Variants in CELF2 observed in about 807,000 individuals in gnomAD.
CELF2 encodes CUG triplet repeat RNA-binding protein 2.
In CELF2, 8 loss-of-function variants were observed where a neutral mutation model predicts 62.6. The ratio of observed to expected loss-of-function variants is 0.13; its 90% CI spans 0.07 to 0.23. CELF2 has a LOEUF of 0.23. Ranked by LOEUF, CELF2 falls within the 10% of genes least tolerant of loss-of-function variation. The pLI is 1.00. For synonymous variants in CELF2, 258 were observed against 250.0 expected (o/e 1.03, Z -0.30); for missense variants, 333 against 671.0 (o/e 0.50, Z 5.56).
chr10:10,532,193 C>G, the CELF2 span, among the ~76,000 whole-genome samples: 1 of 152,222 alleles, frequency 6.6e-6, no homozygotes, highest in African/African-American at 2.4e-5. Flanking sequence ...GTCTACTCAA[C>G]AAAATTCATT....
chr10:10,677,653 G>A, the CELF2 span, among the ~76,000 whole-genome samples: 10 of 152,268 alleles, frequency 6.6e-5, no homozygotes, highest in Admixed American at 2.6e-4. Context: ...CCTTGAAACC[G>A]CATGCGGTAG....
At chr10:11,126,002 C>T (rs2058625702) in intron 1 of CELF2, among the ~76,000 whole-genome samples, 1 of 152,174 alleles carries the variant, frequency 6.6e-6, no homozygotes, top group Non-Finnish European at 1.5e-5. Flanking sequence ...ATTGTCTTCC[C>T]ATCACTCAGA....
At chr10:10,554,078 G>A in the CELF2 span, among the ~76,000 whole-genome samples, 1 of 152,164 alleles carries the variant, frequency 6.6e-6, no homozygotes, top group South Asian at 2.1e-4. Context: ...CCCAGCTGGA[G>A]AGACCATGGC....
intron 1 of CELF2, among the ~76,000 whole-genome samples, chr10:11,023,715 T>G (rs776471188): frequency 6.6e-6 from 1 of 152,212 alleles, no homozygotes; most frequent in East Asian, 1.9e-4. Context: ...CTCCAACTGT[T>G]TTTATAGAAA....
intron 2 of CELF2, among the ~76,000 whole-genome samples, chr10:11,176,086 A>G (rs1305745803): frequency 6.6e-6 from 1 of 152,198 alleles, no homozygotes; most frequent in Non-Finnish European, 1.5e-5. Context: ...TATAATAAAG[A>G]TGAAGTGAGA....
At chr10:10,729,874 C>T in the CELF2 span, among the ~76,000 whole-genome samples, 1 of 152,124 alleles carries the variant, frequency 6.6e-6, no homozygotes, top group Non-Finnish European at 1.5e-5. Context: ...ATTACTCTTA[C>T]AGTGAAACCT....
chr10:10,810,666 G>A (rs2055773597), intron 1 of CELF2, among the ~76,000 whole-genome samples: 1 of 152,162 alleles, frequency 6.6e-6, no homozygotes, highest in African/African-American at 2.4e-5. Context: ...CCGGCAGAAG[G>A]AGGAAGGAGG....
chr10:10,549,610 T>C, the CELF2 span, among the ~76,000 whole-genome samples: 1 of 152,162 alleles, frequency 6.6e-6, no homozygotes, highest in African/African-American at 2.4e-5. Context: ...GCAGCCTCTC[T>C]TCTTGGCTTG....
chr10:10,843,844 A>T (rs1387760670), intron 1 of CELF2, among the ~76,000 whole-genome samples: 1 of 151,976 alleles, frequency 6.6e-6, no homozygotes, highest in Non-Finnish European at 1.5e-5. Flanking sequence ...CTTTTTGCAG[A>T]TTATGAAAGT....
chr10:10,881,831 A>G (rs772072471), intron 1 of CELF2, among the ~76,000 whole-genome samples: 1 of 152,086 alleles, frequency 6.6e-6, no homozygotes, highest in Non-Finnish European at 1.5e-5. Context: ...TCATTTATCC[A>G]CTTTATCAGG....
At position 11,321,289 on chromosome 10, in the gene CELF2, C is replaced by T. The variant is rs1346451323; in HGVS notation, c.1197C>T (p.Ala399=). Residue 399 remains alanine, a synonymous_variant, in exon 11 of 13, where the codon GCC becomes GCT. Coordinates refer to ENST00000633077, the MANE Select transcript of CELF2 (RefSeq NM_001326342.2). This position sits in a 1 kb window ranked among gnomAD's most constrained non-coding sequence, Gnocchi z 6.2. ...TAGTMDALTQ[A]YSGIQQYAAA... is the part of the protein sequence containing the mutation. The stretch of plus-strand genomic sequence containing the variant: ...GCACCATGGACGCCCTCACCCAGGC[C>T]TACTCAGGAATTCAACAGTACGCAG... The T allele has an allele frequency of 6.2e-7, 1 of 1,613,848 alleles. No individual in the cohort carries two copies. The highest frequency in any genetic ancestry group is 8.5e-7 in the Non-Finnish European group (1 of 1,180,020).
the CELF2 span, among the ~76,000 whole-genome samples, chr10:10,520,811 T>C: frequency 1.3e-5 from 2 of 152,110 alleles, no homozygotes; most frequent in Non-Finnish European, 2.9e-5. Flanking sequence ...TTAATACCTA[T>C]TATGCTCTAG....
chr10:10,681,959 T>C, the CELF2 span, among the ~76,000 whole-genome samples: 8 of 152,222 alleles, frequency 5.3e-5, no homozygotes, highest in African/African-American at 1.9e-4. Context: ...CTGGCTAATG[T>C]TCTAGATTTT....
At chr10:11,038,339 A>G (rs2061302753) in intron 1 of CELF2, among the ~76,000 whole-genome samples, 1 of 152,198 alleles carries the variant, frequency 6.6e-6, no homozygotes, top group African/African-American at 2.4e-5. Context: ...AAATGCTTCT[A>G]AGAATGCATC....
the CELF2 span, among the ~76,000 whole-genome samples, chr10:10,484,412 G>A: frequency 2.7e-4 from 37 of 138,582 alleles, no homozygotes; most frequent in South Asian, 1.0e-3. Flanking sequence ...TGCCCCCTGG[G>A]TTCACGCGAT....
chr10:11,057,183 G>C (rs926780685), intron 1 of CELF2, among the ~76,000 whole-genome samples: 1 of 151,972 alleles, frequency 6.6e-6, no homozygotes, highest in Non-Finnish European at 1.5e-5. Flanking sequence ...AAAAGTCCCA[G>C]ACCCGACTTC....
chr10:10,984,366 G>C (rs2052498290), intron 2 of CELF2, among the ~76,000 whole-genome samples: 1 of 152,164 alleles, frequency 6.6e-6, no homozygotes, highest in Non-Finnish European at 1.5e-5. Context: ...CTCTGAAATA[G>C]CTATTTTGCT....
chr10:10,638,369 CCATT>C, the CELF2 span, among the ~76,000 whole-genome samples: 3 of 120,560 alleles, frequency 2.5e-5, no homozygotes, highest in East Asian at 4.1e-4. Context: ...ATCCATCCAT[CCATT>C]CATTCATTCA....
intron 1 of CELF2, among the ~76,000 whole-genome samples, chr10:10,816,484 ACT>A (rs1181304472): frequency 3.3e-5 from 5 of 152,064 alleles, no homozygotes; most frequent in Non-Finnish European, 7.4e-5. Context: ...TAATTGTGAC[ACT>A]CTCTGTGTCC....
Sources: gnomAD v4.1 joint callset for allele counts (sites outside exome capture counted in the v4.1 genomes callset) on GRCh38, gnomAD v4.1.1 for gene constraint, Gnocchi (gnomAD v3.1) non-coding constraint, MANE v1.5 for transcripts, NCBI Gene and HGNC (gene_info 2026-07-23, HGNC 2026-07-21) for gene names.